PAPSS1: variants seen among roughly 807,000 people sequenced by gnomAD.
The protein encoded by PAPSS1 is bifunctional 3'-phosphoadenosine 5'-phosphosulfate synthase 1.
A neutral mutation model predicts 72.0 loss-of-function variants in PAPSS1; 50 were observed. That is an observed-to-expected ratio of 0.69 (90% confidence interval 0.55 to 0.88). The LOEUF is 0.88. PAPSS1 is among the 40% of genes least tolerant of loss of function. PAPSS1 has a pLI of 0.00. For missense variants in PAPSS1, 657 were observed against 782.2 expected (o/e 0.84, Z 1.91); for synonymous variants, 261 against 263.6 (o/e 0.99, Z 0.09).
At chr4:107,700,476 T>A (rs908733561) in intron 2 of PAPSS1, among the ~76,000 whole-genome samples, 3 of 152,212 alleles carry the variant, frequency 2.0e-5, no homozygotes, top group African/African-American at 7.2e-5. Context: ...AAATTCACTT[T>A]GTGAAAATTC....
chr4:107,644,800 ACC>A lies in PAPSS1; in HGVS notation c.1506_1506+1del. The stretch of plus-strand genomic sequence containing the variant: ...GCAGTGAAAATCTTACAAGCAGTCT[ACC>A]TCAGTTGGTCCAGCATACATCATGG... On this transcript the variant is annotated splice_donor_variant and coding_sequence_variant, in exon 10 of 12. Coordinates refer to ENST00000265174, the MANE Select transcript of PAPSS1 (RefSeq NM_005443.5). LOFTEE classifies it high-confidence loss of function. 1 of 1,607,460 alleles carries A rather than the reference ACC, an allele frequency of 6.2e-7. No homozygotes were observed. The highest frequency in any genetic ancestry group is 8.5e-7 in the Non-Finnish European group (1 of 1,177,500).
At chr4:107,674,111 C>A (rs968954534) in intron 5 of PAPSS1, among the ~76,000 whole-genome samples, 3 of 150,516 alleles carry the variant, frequency 2.0e-5, no homozygotes, top group African/African-American at 7.3e-5. Context: ...TTGTAAAGAC[C>A]GAAACCGCAT....
intron 1 of PAPSS1, among the ~76,000 whole-genome samples, chr4:107,701,872 A>T (rs1723212256): frequency 6.6e-6 from 1 of 152,200 alleles, no homozygotes; most frequent in South Asian, 2.1e-4. Flanking sequence ...AGACTCCCAA[A>T]GAAAGTGTGA....
chr4:107,631,109 T>TC (rs1213073577), intron 11 of PAPSS1, among the ~76,000 whole-genome samples: 1 of 152,154 alleles, frequency 6.6e-6, no homozygotes, highest in African/African-American at 2.4e-5. Flanking sequence ...TTGAGTCCCA[T>TC]CCCCAAGGTA....
chr4:107,687,240 AG>A, intron 3 of PAPSS1, 63 bp from the exon 4 acceptor site: 1 of 1,272,352 alleles, frequency 7.9e-7, no homozygotes, highest in Non-Finnish European at 1.0e-6. Flanking sequence ...TTAATATTAA[AG>A]ATGAGTAAAA....
chr4:107,700,786 T>A lies in PAPSS1; in HGVS notation c.175+385A>T, dbSNP rs369681623. ...TCCCAGCCTCCAGAACTATGAGAAA[T>A]AAATTTCTATTCATATAAATTACCC... On this transcript the variant is annotated intron_variant, in intron 2 of 11. Coordinates refer to ENST00000265174, the MANE Select transcript of PAPSS1 (RefSeq NM_005443.5). 3.3e-5 allele frequency among the ~76,000 whole-genome samples: 5 copies of A among 152,302 alleles called. No individual in the cohort carries two copies. The East Asian group carries it at 5.8e-4, about 18-fold the overall frequency.
chr4:107,672,160 T>A (rs1246506470), intron 5 of PAPSS1, among the ~76,000 whole-genome samples: 2 of 152,128 alleles, frequency 1.3e-5, no homozygotes, highest in African/African-American at 2.4e-5. Context: ...GACGGGTGAT[T>A]TCTGCATTTC....
intron 10 of PAPSS1, among the ~76,000 whole-genome samples, chr4:107,635,601 T>C (rs945633992): frequency 1.1e-4 from 17 of 152,060 alleles, no homozygotes; most frequent in Non-Finnish European, 4.4e-5. Flanking sequence ...ACTGTTTTTA[T>C]GATAAAGTGA....
intron 1 of PAPSS1, among the ~76,000 whole-genome samples, chr4:107,709,881 T>C (rs1293153244): frequency 2.0e-5 from 3 of 152,260 alleles, no homozygotes; most frequent in African/African-American, 7.2e-5. Flanking sequence ...CCTGTTCAGC[T>C]GGCTCTGCAT....
intron 10 of PAPSS1, among the ~76,000 whole-genome samples, chr4:107,638,767 A>G (rs1218314528): frequency 2.6e-5 from 4 of 152,238 alleles, no homozygotes; most frequent in Non-Finnish European, 5.9e-5. Context: ...AAAATAGGTA[A>G]CACTTACCAA....
At chr4:107,710,476 T>C (rs1723460990) in intron 1 of PAPSS1, among the ~76,000 whole-genome samples, 1 of 151,602 alleles carries the variant, frequency 6.6e-6, no homozygotes, top group Non-Finnish European at 1.5e-5. Flanking sequence ...GGTCAAGGAC[T>C]ATGAGTGTCC....
chr4:107,692,247 T>C (rs2110341830), intron 3 of PAPSS1, among the ~76,000 whole-genome samples: 1 of 152,140 alleles, frequency 6.6e-6, no homozygotes, highest in South Asian at 2.1e-4. Context: ...ATCATCACAG[T>C]GAACAGACAA....
intron 1 of PAPSS1, among the ~76,000 whole-genome samples, chr4:107,718,935 T>A (rs112639159): frequency 0.019 from 2,852 of 152,252 alleles, 90 homozygotes; most frequent in African/African-American, 0.064. Flanking sequence ...TTAAGTCAAC[T>A]GAGGTTCGAA....
chr4:107,633,409 T>G (rs924711242), intron 10 of PAPSS1, among the ~76,000 whole-genome samples: 4 of 152,196 alleles, frequency 2.6e-5, no homozygotes, highest in Non-Finnish European at 5.9e-5. Flanking sequence ...CACAACTGTT[T>G]TTCCTAGAGT....
At chr4:107,644,771 T>G (rs754539085) in intron 10 of PAPSS1, 31 bp downstream of exon 10, 12 of 1,578,398 alleles carry the variant, frequency 7.6e-6, no homozygotes, top group Non-Finnish European at 1.0e-5. Flanking sequence ...GCTTTAACAC[T>G]GCTGCAGTGA....
intron 1 of PAPSS1, 32 bp from the exon 2 acceptor site, chr4:107,701,317 TAC>T (rs1392745314): frequency 5.6e-6 from 8 of 1,437,180 alleles, no homozygotes; most frequent in Non-Finnish European, 7.8e-6. Context: ...AATTCTAGTT[TAC>T]ATGAGTCCTT....
At chr4:107,626,431 T>A (rs1167900973) in intron 11 of PAPSS1, among the ~76,000 whole-genome samples, 1 of 152,162 alleles carries the variant, frequency 6.6e-6, no homozygotes, top group Non-Finnish European at 1.5e-5. Flanking sequence ...ACAAATAAGA[T>A]AACTGAATTA....
intron 3 of PAPSS1, among the ~76,000 whole-genome samples, chr4:107,690,110 C>A (rs1722879195): frequency 6.6e-6 from 1 of 152,168 alleles, no homozygotes; most frequent in Non-Finnish European, 1.5e-5. Context: ...ACCTCCAGAC[C>A]AGTCTCAATC....
chr4:107,696,831 G>A (rs772985466), intron 2 of PAPSS1, among the ~76,000 whole-genome samples: 1 of 152,090 alleles, frequency 6.6e-6, no homozygotes, highest in Non-Finnish European at 1.5e-5. Flanking sequence ...AATGACTGTA[G>A]CCAGCTGCAT....
Sources: allele counts gnomAD v4.1 joint callset (sites outside exome capture counted in the v4.1 genomes callset), GRCh38; gene constraint gnomAD v4.1.1; transcripts MANE v1.5; gene names NCBI Gene and HGNC (gene_info 2026-07-23, HGNC 2026-07-21).